PPP1R12B: variants seen among roughly 807,000 people sequenced by gnomAD.
The protein encoded by PPP1R12B is protein phosphatase 1 regulatory subunit 12B.
In PPP1R12B, 76 loss-of-function variants were observed where a neutral mutation model predicts 126.1. That is an observed-to-expected ratio of 0.60 (90% CI 0.50 to 0.73). The LOEUF (loss-of-function observed/expected upper bound fraction) is 0.73, where lower values mean the gene tolerates loss of function less well. Ranked by LOEUF, PPP1R12B falls within the 30% of genes least tolerant of loss-of-function variation. The pLI is 0.00. For synonymous variants in PPP1R12B, 356 were observed against 434.7 expected (o/e 0.82, Z 2.25); for missense variants, 1,052 against 1,205.1 (o/e 0.87, Z 1.88).
Position 202,430,893 on chromosome 1 carries a change from A to C in PPP1R12B, c.1001+83A>C, listed in dbSNP as rs139649593. On this transcript the variant is annotated intron_variant, in intron 7 of 23. Transcript: ENST00000608999. The stretch of plus-strand genomic sequence containing the variant: ...TAACTTCAGAATTTATAAAGTGAAG[A>C]AACTCTGTGTTTGTATTTAGCCGAG... 6.5e-4 allele frequency: 989 copies of C among 1,526,556 alleles called. 12 individuals are homozygous for C. In the South Asian group the frequency reaches 8.9e-3, roughly 14 times the overall value. 94.6% of individuals were successfully genotyped at this position (1,526,556 alleles called of 1,614,324 possible). A position where few individuals can be genotyped will look rare whatever the true frequency, so the allele number is the denominator to read the frequency against.
chr1:202,566,400 G>A (rs1292623030), intron 21 of PPP1R12B, among the ~76,000 whole-genome samples: 1 of 152,164 alleles, frequency 6.6e-6, no homozygotes, highest in Non-Finnish European at 1.5e-5. Context: ...ACCAAAAATG[G>A]AGTTGTTTGG....
intron 21 of PPP1R12B, among the ~76,000 whole-genome samples, chr1:202,566,937 A>T (rs572943313): frequency 6.6e-6 from 1 of 152,342 alleles, no homozygotes; most frequent in East Asian, 1.9e-4. Flanking sequence ...ACTGAATGTA[A>T]GAAATTCTGC....
chr1:202,580,523 G>C lies in PPP1R12B; in HGVS notation c.2912G>C (p.Gly971Ala), dbSNP rs1284769918. 6.2e-7 allele frequency: 1 copy of C among 1,614,060 alleles called. No individual in the cohort carries two copies. Among genetic ancestry groups the C allele is most frequent in the Admixed American group, 1.7e-5 (1 of 60,022 alleles). ...SDNQRLKDEN[G>A]ALIRVISKLS... is the part of the protein sequence containing the mutation. ...AACCAGAGGCTGAAAGATGAAAATG[G>C]TGCCCTCATCAGAGTCATCAGCAAA... The change falls in exon 24 of 24, where the codon GGT (glycine) becomes GCT (alanine). Residue 971 changes from glycine (G) to alanine (A), a missense_variant. Gly to Ala is a moderately conservative substitution (Grantham distance 60, BLOSUM62 0). Transcript: ENST00000608999.
At chr1:202,416,525 TAA>T (rs35476608) in intron 1 of PPP1R12B, among the ~76,000 whole-genome samples, 2 of 111,624 alleles carry the variant, frequency 1.8e-5, no homozygotes, top group Non-Finnish European at 1.7e-5. Flanking sequence ...AAACTCTGTC[TAA>T]AAAAAAAAAA....
chr1:202,355,364 T>TA (rs772206380), intron 1 of PPP1R12B, among the ~76,000 whole-genome samples: 1 of 151,816 alleles, frequency 6.6e-6, no homozygotes, highest in Non-Finnish European at 1.5e-5. Context: ...AACAGATAAA[T>TA]AAAAAAAAGA....
At chr1:202,403,170 C>A (rs1387363785) in intron 1 of PPP1R12B, among the ~76,000 whole-genome samples, 1 of 152,118 alleles carries the variant, frequency 6.6e-6, no homozygotes, top group Non-Finnish European at 1.5e-5. Context: ...GGGCCTGGGG[C>A]ACTGAGAAAC....
At chr1:202,569,241 T>C (rs112904507) in intron 23 of PPP1R12B, 44 bp downstream of exon 23, 1 of 1,574,716 alleles carries the variant, frequency 6.4e-7, no homozygotes, top group Non-Finnish European at 8.7e-7. Context: ...GTTCTCTGAA[T>C]GCCTGCCAAG....
intron 18 of PPP1R12B, among the ~76,000 whole-genome samples, chr1:202,544,921 C>T (rs1685497901): frequency 6.6e-6 from 1 of 152,224 alleles, no homozygotes; most frequent in Non-Finnish European, 1.5e-5. Context: ...GTTAGCAGGC[C>T]AGAGGCATTC....
chr1:202,445,292 G>A, intron 12 of PPP1R12B: 1 of 1,177,190 alleles, frequency 8.5e-7, no homozygotes, highest in Non-Finnish European at 1.1e-6. Flanking sequence ...AAACACATAT[G>A]AAATTTGAAC....
At chr1:202,479,774 C>G (rs541394272) in intron 13 of PPP1R12B, among the ~76,000 whole-genome samples, 7 of 152,274 alleles carry the variant, frequency 4.6e-5, no homozygotes, top group Non-Finnish European at 8.8e-5. Context: ...ATTAGAAATG[C>G]AGATTATCAA....
intron 1 of PPP1R12B, among the ~76,000 whole-genome samples, chr1:202,362,842 A>ATTTC (rs1234685159): frequency 6.6e-6 from 1 of 151,822 alleles, no homozygotes; most frequent in Non-Finnish European, 1.5e-5. Flanking sequence ...TTATTTATTT[A>ATTTC]TTTATGTTTG....
chr1:202,379,586 C>T (rs1661884096), intron 1 of PPP1R12B, among the ~76,000 whole-genome samples: 1 of 152,160 alleles, frequency 6.6e-6, no homozygotes, highest in African/African-American at 2.4e-5. Flanking sequence ...TTTATGGGAA[C>T]TTGTAGGTAC....
chr1:202,448,935 G>A, intron 12 of PPP1R12B, 54 bp from the exon 13 acceptor site: 1 of 1,556,622 alleles, frequency 6.4e-7, no homozygotes. Context: ...CCAGTGCTTT[G>A]TTGTATAGCA....
At chr1:202,469,363 C>T (rs555169406) in intron 13 of PPP1R12B, among the ~76,000 whole-genome samples, 5 of 152,200 alleles carry the variant, frequency 3.3e-5, no homozygotes, top group African/African-American at 9.6e-5. Flanking sequence ...TGTGTTTCTT[C>T]AACAGTGAGT....
chr1:202,393,743 A>G (rs1401565830), intron 1 of PPP1R12B, among the ~76,000 whole-genome samples: 1 of 152,200 alleles, frequency 6.6e-6, no homozygotes, highest in African/African-American at 2.4e-5. Flanking sequence ...CAGTATGGAA[A>G]TCTTTTGCTG....
At position 202,419,764 on chromosome 1, in the gene PPP1R12B, A is replaced by G. The variant is rs1198401862; in HGVS notation, c.422+2847A>G. 6.6e-6 allele frequency among the ~76,000 whole-genome samples: 1 copy of G among 152,158 alleles called. No homozygotes were observed. The highest frequency in any genetic ancestry group is 1.5e-5 in the Non-Finnish European group (1 of 68,024). On this transcript the variant is annotated intron_variant, in intron 2 of 23. Coordinates refer to ENST00000608999, the MANE Select transcript of PPP1R12B (RefSeq NM_002481.4). The surrounding 1 kb of genome is among the most constrained non-coding windows in gnomAD (Gnocchi z 4.6). Reference sequence around the variant, plus strand: ...CATGGCGATGATAGTAATGAGGAAGACCCAGTTGTTGCTATTAACCAAAAA... The same window carrying G: ...CATGGCGATGATAGTAATGAGGAAGGCCCAGTTGTTGCTATTAACCAAAAA...
chr1:202,428,850 G>C lies in PPP1R12B; in HGVS notation c.847-5G>C, dbSNP rs1402988092. 2 of 1,604,386 alleles carry C rather than the reference G, an allele frequency of 1.2e-6. No individual in the cohort carries two copies. The highest frequency in any genetic ancestry group is 1.7e-6 in the Non-Finnish European group (2 of 1,176,010). On this transcript the variant is annotated splice_region_variant and splice_polypyrimidine_tract_variant and intron_variant, in intron 5 of 23. Transcript: ENST00000608999. ...ATCAGTCATGGTGCTCCTTTTCTCT[G>C]CCAGGGCCAGACACCATTTGATGTG...
intron 18 of PPP1R12B, among the ~76,000 whole-genome samples, chr1:202,549,742 TTA>T (rs1686120623): frequency 6.6e-6 from 1 of 152,150 alleles, no homozygotes; most frequent in Non-Finnish European, 1.5e-5. Flanking sequence ...ACACTCTGTT[TTA>T]TGAGTGTGCA....
At chr1:202,468,234 T>A (rs1260921817) in intron 13 of PPP1R12B, among the ~76,000 whole-genome samples, 2 of 152,192 alleles carry the variant, frequency 1.3e-5, no homozygotes, top group Non-Finnish European at 2.9e-5. Context: ...TTTAATTAGA[T>A]CCCATTTGTC....
Sources: allele counts gnomAD v4.1 joint callset (sites outside exome capture counted in the v4.1 genomes callset), GRCh38; gene constraint gnomAD v4.1.1; non-coding constraint Gnocchi (gnomAD v3.1); transcripts MANE v1.5; gene names NCBI Gene and HGNC (gene_info 2026-07-23, HGNC 2026-07-21).